Variants in NOL4 observed in about 807,000 individuals in gnomAD.
NOL4 encodes nucleolar protein 4.
A neutral mutation model predicts 75.9 loss-of-function variants in NOL4; 17 were observed. The observed-to-expected ratio is 0.22, with a 90% CI of 0.15 to 0.34. The LOEUF is 0.34. Ranked by LOEUF, NOL4 falls within the 10% of genes least tolerant of loss-of-function variation. The pLI is 1.00. For missense variants in NOL4, 614 were observed against 793.5 expected, an observed-to-expected ratio of 0.77 and a Z score of 2.72; for synonymous variants, 292 against 289.9, an observed-to-expected ratio of 1.01 and a Z score of -0.07.
chr18:34,007,783 G>A (rs142931787), intron 6 of NOL4, among the ~76,000 whole-genome samples: 244 of 151,980 alleles, frequency 1.6e-3, no homozygotes, highest in African/African-American at 5.4e-3. Flanking sequence ...TTTCTGTTAC[G>A]TGTAGTATAG....
intron 9 of NOL4, among the ~76,000 whole-genome samples, chr18:33,933,639 T>G (rs1054682558): frequency 2.0e-5 from 3 of 152,206 alleles, no homozygotes; most frequent in Non-Finnish European, 4.4e-5. Flanking sequence ...ACTTTTACGC[T>G]CAGCTATAAA....
chr18:33,860,831 T>A (rs1031007847), intron 10 of NOL4, among the ~76,000 whole-genome samples: 38 of 151,824 alleles, frequency 2.5e-4, no homozygotes, highest in Non-Finnish European at 3.7e-4. Context: ...TTATTGAGAG[T>A]TTTTAGCATG....
At chr18:34,135,824 TC>T (rs761462235) in intron 1 of NOL4, among the ~76,000 whole-genome samples, 49 of 151,664 alleles carry the variant, frequency 3.2e-4, no homozygotes, top group Non-Finnish European at 6.6e-4. Context: ...ACAAAACACT[TC>T]CCAAATTATC....
intron 6 of NOL4, among the ~76,000 whole-genome samples, chr18:33,982,742 A>AT (rs953221382): frequency 0.15 from 15,609 of 104,886 alleles, 1,685 homozygotes; most frequent in East Asian, 0.33. Flanking sequence ...AGACAATGGG[A>AT]TTTTTTTTTT....
At chr18:33,960,381 A>G (rs1174089208) in intron 6 of NOL4, among the ~76,000 whole-genome samples, 1 of 152,114 alleles carries the variant, frequency 6.6e-6, no homozygotes, top group Non-Finnish European at 1.5e-5. Flanking sequence ...GAATATATTT[A>G]TTTTAGGAAA....
At chr18:33,865,694 T>C (rs1268003590) in intron 10 of NOL4, among the ~76,000 whole-genome samples, 2 of 152,108 alleles carry the variant, frequency 1.3e-5, no homozygotes, top group African/African-American at 4.8e-5. Flanking sequence ...AACTTACCCT[T>C]TGATTAGAGA....
chr18:34,089,072 T>C (rs985209988), intron 5 of NOL4, among the ~76,000 whole-genome samples: 1 of 152,060 alleles, frequency 6.6e-6, no homozygotes, highest in African/African-American at 2.4e-5. Context: ...TTTCCCTTGG[T>C]TTTTAATGAA....
chr18:34,069,535 A>G, intron 5 of NOL4, among the ~76,000 whole-genome samples: 1 of 152,170 alleles, frequency 6.6e-6, no homozygotes, highest in East Asian at 1.9e-4. Context: ...CAACCCATAG[A>G]TCTAAGAAGC....
chr18:34,112,346 G>A (rs1242127936), intron 2 of NOL4, among the ~76,000 whole-genome samples: 2 of 151,736 alleles, frequency 1.3e-5, no homozygotes, highest in East Asian at 3.9e-4. Context: ...TCTAGCCTGG[G>A]TGACAGAGTG....
chr18:34,046,607 C>CATAT (rs35281852), intron 5 of NOL4, among the ~76,000 whole-genome samples: 7,798 of 81,454 alleles, frequency 0.096, 915 homozygotes, highest in East Asian at 0.25. Flanking sequence ...TTTACTTATA[C>CATAT]ATATATATAT....
chr18:34,197,256 C>A (rs1268945153), intron 1 of NOL4, among the ~76,000 whole-genome samples: 1 of 151,876 alleles, frequency 6.6e-6, no homozygotes, highest in East Asian at 1.9e-4. Context: ...TAAAAGCATC[C>A]TTTTAAACCA....
At chr18:33,936,181 C>T (rs1377658384) in intron 9 of NOL4, among the ~76,000 whole-genome samples, 1 of 152,016 alleles carries the variant, frequency 6.6e-6, no homozygotes, top group African/African-American at 2.4e-5. Context: ...TAAAATTGCC[C>T]CCACGCTTAC....
chr18:34,107,776 G>A (rs1443253625), intron 2 of NOL4, among the ~76,000 whole-genome samples: 2 of 151,952 alleles, frequency 1.3e-5, no homozygotes, highest in Non-Finnish European at 1.5e-5. Context: ...CACCAAGATG[G>A]TGAAATAGGA....
intron 1 of NOL4, among the ~76,000 whole-genome samples, chr18:34,145,854 C>T (rs2081373912): frequency 6.6e-6 from 1 of 152,008 alleles, no homozygotes. Context: ...TTTACATCTA[C>T]TCTTTCCAAA....
chr18:34,030,384 A>G (rs2075576788), intron 5 of NOL4, among the ~76,000 whole-genome samples: 1 of 152,190 alleles, frequency 6.6e-6, no homozygotes, highest in African/African-American at 2.4e-5. Context: ...ATAGTGGGAC[A>G]AAAGGCCTAA....
chr18:34,021,372 C>A (rs546900125), intron 5 of NOL4, among the ~76,000 whole-genome samples: 1 of 151,918 alleles, frequency 6.6e-6, no homozygotes, highest in Non-Finnish European at 1.5e-5. Flanking sequence ...GGGATCAGCA[C>A]GTGCAAAGTC....
chr18:34,090,109 A>G (rs2078440921), intron 5 of NOL4, among the ~76,000 whole-genome samples: 1 of 152,214 alleles, frequency 6.6e-6, no homozygotes, highest in Admixed American at 6.5e-5. Flanking sequence ...CAGGAAAAAA[A>G]GAAATTTTAC....
At chr18:33,901,267 C>T (rs62097798) in intron 9 of NOL4, among the ~76,000 whole-genome samples, 10,299 of 152,062 alleles carry the variant, frequency 0.068, 433 homozygotes, top group East Asian at 0.12. Flanking sequence ...AATACAAGAT[C>T]GTTTGTTCAA....
chr18:33,946,474 G>A (rs924072483), intron 8 of NOL4, among the ~76,000 whole-genome samples: 1 of 151,660 alleles, frequency 6.6e-6, no homozygotes, highest in African/African-American at 2.4e-5. Flanking sequence ...ATTATGCAGC[G>A]ATGTATGTGG....
Sources: gnomAD v4.1 joint callset for allele counts (sites outside exome capture counted in the v4.1 genomes callset) on GRCh38, gnomAD v4.1.1 for gene constraint, MANE v1.5 for transcripts, NCBI Gene and HGNC (gene_info 2026-07-23, HGNC 2026-07-21) for gene names.